The following GULP1 variants were observed in gnomAD, a reference collection of about 807,000 sequenced individuals.
The protein encoded by GULP1 is GULP PTB domain containing engulfment adaptor 1.
GULP1 carries 19 observed loss-of-function variants against 40.9 expected under a neutral mutation model. The observed-to-expected ratio is 0.46, with a 90% CI of 0.32 to 0.68. The LOEUF (loss-of-function observed/expected upper bound fraction) is 0.68, where lower values mean the gene tolerates loss of function less well. Among genes scored for constraint, GULP1 ranks in the 30% least tolerant of loss-of-function variants. The pLI is 0.03. For missense variants in GULP1, 312 were observed against 362.2 expected (o/e 0.86, Z 1.12); for synonymous variants, 119 against 117.6 (o/e 1.01, Z -0.08).
At chr2:188,419,499 T>G (rs2055069411) in intron 2 of GULP1, among the ~76,000 whole-genome samples, 1 of 152,058 alleles carries the variant, frequency 6.6e-6, no homozygotes, top group Admixed American at 6.6e-5. Flanking sequence ...TTGCATATCT[T>G]TTTTGGAAAA....
intron 2 of GULP1, among the ~76,000 whole-genome samples, chr2:188,440,921 G>C (rs1453689700): frequency 6.6e-6 from 1 of 152,194 alleles, no homozygotes; most frequent in Non-Finnish European, 1.5e-5. Flanking sequence ...TCAGATGTAT[G>C]TTGGGCCTTT....
At position 188,527,306 on chromosome 2, in the gene GULP1, TC is replaced by T. The variant is rs555105852; in HGVS notation, c.163-1789del. On this transcript the variant is annotated intron_variant, in intron 5 of 11. Coordinates refer to ENST00000409830, the MANE Select transcript of GULP1 (RefSeq NM_016315.4). ...GCTTCAGAAGTCATGCTCAGTCTGT[TC>T]CTGGAAAACAGCAGCACCTAGGAAA... Among the ~76,000 whole-genome samples, 36 of 152,282 alleles carry T rather than the reference TC, an allele frequency of 2.4e-4. 2 individuals are homozygous for T. In the South Asian group the frequency reaches 6.4e-3, roughly 27 times the overall value.
chr2:188,380,682 G>A (rs1272365316), intron 1 of GULP1, among the ~76,000 whole-genome samples: 1 of 152,144 alleles, frequency 6.6e-6, no homozygotes, highest in African/African-American at 2.4e-5. Context: ...ATTAAATACT[G>A]TTAAATTATT....
chr2:188,587,144 A>G (rs773917094), intron 10 of GULP1, among the ~76,000 whole-genome samples: 2 of 152,118 alleles, frequency 1.3e-5, no homozygotes, highest in Admixed American at 1.3e-4. Flanking sequence ...GCCGTAATCT[A>G]TCAATTACAA....
At chr2:188,426,902 T>C (rs2056268152) in intron 2 of GULP1, among the ~76,000 whole-genome samples, 1 of 152,182 alleles carries the variant, frequency 6.6e-6, no homozygotes, top group Admixed American at 6.5e-5. Context: ...GAGAGACTTA[T>C]TAAATTGTTG....
At chr2:188,310,377 TGAA>T (rs1260840792) in intron 1 of GULP1, among the ~76,000 whole-genome samples, 2 of 152,164 alleles carry the variant, frequency 1.3e-5, no homozygotes, top group South Asian at 2.1e-4. Context: ...TCAAGGAGAT[TGAA>T]GAAGAATGAA....
chr2:188,297,372 A>G (rs555840609), intron 1 of GULP1: 2 of 415,558 alleles, frequency 4.8e-6, no homozygotes, highest in African/African-American at 4.3e-5. Flanking sequence ...TAGAAGTTAG[A>G]TACTACTGAT....
At chr2:188,508,508 G>A (rs57280605) in intron 4 of GULP1, among the ~76,000 whole-genome samples, 1,678 of 151,974 alleles carry the variant, frequency 0.011, 39 homozygotes, top group African/African-American at 0.038. Context: ...ATTGCAGACT[G>A]ATTAAAGTGA....
intron 2 of GULP1, among the ~76,000 whole-genome samples, chr2:188,443,124 A>G (rs1324842714): frequency 1.3e-5 from 2 of 151,476 alleles, no homozygotes; most frequent in African/African-American, 4.8e-5. Flanking sequence ...GAGAAGATGC[A>G]CCAGAGAAAT....
rs115752098 is a variant in GULP1, at chr2:188,520,028, G to A, written c.91-2728G>A. Among the ~76,000 whole-genome samples, 430 of 152,284 alleles carry A rather than the reference G, an allele frequency of 2.8e-3. 1 individual carries two copies. The highest frequency in any genetic ancestry group is 0.024 in the Middle Eastern group (7 of 294). On this transcript the variant is annotated intron_variant, in intron 4 of 11. Transcript: ENST00000409830. Reference sequence around the variant, plus strand: ...AACACTCATCCCAAACTGGAGAAATGTGACAGCTCCATTGGTGTCAGGAAT... The same window carrying A: ...AACACTCATCCCAAACTGGAGAAATATGACAGCTCCATTGGTGTCAGGAAT...
chr2:188,516,613 C>A (rs1351908018), intron 4 of GULP1, among the ~76,000 whole-genome samples: 1 of 152,054 alleles, frequency 6.6e-6, no homozygotes, highest in African/African-American at 2.4e-5. Flanking sequence ...TGTTGGCTCT[C>A]CTAAAACAGG....
intron 7 of GULP1, among the ~76,000 whole-genome samples, chr2:188,552,921 G>GTA (rs1430335508): frequency 7.0e-6 from 1 of 143,174 alleles, no homozygotes; most frequent in Admixed American, 7.0e-5. Context: ...ATATATATAC[G>GTA]TATATATATG....
intron 7 of GULP1, among the ~76,000 whole-genome samples, chr2:188,560,414 A>T (rs1046251888): frequency 6.6e-6 from 1 of 152,188 alleles, no homozygotes; most frequent in African/African-American, 2.4e-5. Context: ...CTACATCACT[A>T]TTGGCATTTT....
At chr2:188,349,900 G>A (rs2044209298) in intron 1 of GULP1, among the ~76,000 whole-genome samples, 1 of 151,952 alleles carries the variant, frequency 6.6e-6, no homozygotes, top group Non-Finnish European at 1.5e-5. Context: ...TATGACATAG[G>A]GGGTCCAACT....
At chr2:188,320,107 G>A (rs1400196548) in intron 1 of GULP1, among the ~76,000 whole-genome samples, 1 of 152,110 alleles carries the variant, frequency 6.6e-6, no homozygotes, top group East Asian at 1.9e-4. Flanking sequence ...TCCCTGGGAG[G>A]CAAAAGCATT....
intron 1 of GULP1, among the ~76,000 whole-genome samples, chr2:188,366,430 C>A (rs2046794140): frequency 6.6e-6 from 1 of 152,010 alleles, no homozygotes; most frequent in Non-Finnish European, 1.5e-5. Flanking sequence ...CTATTAAGTG[C>A]ACATATTTCT....
intron 2 of GULP1, among the ~76,000 whole-genome samples, chr2:188,447,555 G>C (rs1278181359): frequency 6.6e-6 from 1 of 152,142 alleles, no homozygotes; most frequent in East Asian, 1.9e-4. Flanking sequence ...AGTCACACCA[G>C]CTTACAGTAA....
chr2:188,456,728 C>T (rs1336427248), intron 2 of GULP1, among the ~76,000 whole-genome samples: 2 of 152,126 alleles, frequency 1.3e-5, no homozygotes, highest in East Asian at 1.9e-4. Context: ...TGCCACTGTC[C>T]TCCAGACCCC....
At chr2:188,502,623 GAC>G (rs1234314778) in intron 4 of GULP1, among the ~76,000 whole-genome samples, 2 of 151,956 alleles carry the variant, frequency 1.3e-5, no homozygotes, top group East Asian at 3.9e-4. Flanking sequence ...CACAATGTGT[GAC>G]ACAGAGTAGG....
Sources: allele counts gnomAD v4.1 joint callset (sites outside exome capture counted in the v4.1 genomes callset), GRCh38; gene constraint gnomAD v4.1.1; transcripts MANE v1.5; gene names NCBI Gene and HGNC (gene_info 2026-07-23, HGNC 2026-07-21).